MDGA2: variants seen among roughly 807,000 people sequenced by gnomAD.
MDGA2 encodes MAM domain-containing glycosylphosphatidylinositol anchor protein 2.
Under a neutral mutation model 117.8 loss-of-function variants are expected in MDGA2, and 40 were observed. The ratio of observed to expected loss-of-function variants is 0.34; its 90% CI spans 0.26 to 0.44. The LOEUF (loss-of-function observed/expected upper bound fraction) is 0.44, where lower values mean the gene tolerates loss of function less well. MDGA2 is among the 20% of genes least tolerant of loss of function. MDGA2 has a pLI of 1.00. For missense variants in MDGA2, 1,123 were observed against 1,250.6 expected, an observed-to-expected ratio of 0.90 and a Z score of 1.54; for synonymous variants, 452 against 439.0, an observed-to-expected ratio of 1.03 and a Z score of -0.37.
intron 7 of MDGA2, among the ~76,000 whole-genome samples, chr14:47,050,622 T>C (rs557343020): frequency 1.3e-5 from 2 of 152,140 alleles, no homozygotes; most frequent in African/African-American, 4.8e-5. Context: ...GTTAATATAA[T>C]GCTACTCATG....
intron 3 of MDGA2, among the ~76,000 whole-genome samples, chr14:47,176,017 G>C (rs879589569): frequency 1.3e-5 from 2 of 152,076 alleles, no homozygotes; most frequent in Non-Finnish European, 2.9e-5. Context: ...CAGATGAACA[G>C]AGAGCCAAAT....
At chr14:47,625,447 A>C (rs1242030496) in intron 1 of MDGA2, among the ~76,000 whole-genome samples, 1 of 152,198 alleles carries the variant, frequency 6.6e-6, no homozygotes, top group Non-Finnish European at 1.5e-5. Context: ...GCTGATGCTC[A>C]CAATATCACC....
At chr14:47,560,992 T>G (rs1165163879) in intron 1 of MDGA2, among the ~76,000 whole-genome samples, 1 of 152,042 alleles carries the variant, frequency 6.6e-6, no homozygotes, top group Non-Finnish European at 1.5e-5. Flanking sequence ...TGTTGAAGAT[T>G]TGATGGTTAT....
chr14:47,314,331 G>A (rs1170614018), intron 1 of MDGA2, among the ~76,000 whole-genome samples: 1 of 152,118 alleles, frequency 6.6e-6, no homozygotes, highest in Non-Finnish European at 1.5e-5. Context: ...TACATACACA[G>A]ATAGTATGTA....
intron 5 of MDGA2, among the ~76,000 whole-genome samples, chr14:47,129,490 A>C (rs1882085995): frequency 6.7e-6 from 1 of 149,860 alleles, no homozygotes; most frequent in African/African-American, 2.5e-5. Context: ...CCAGTCTATC[A>C]TTGTTGGACA....
chr14:46,897,138 T>A (rs1313376642), intron 10 of MDGA2, among the ~76,000 whole-genome samples: 2 of 152,160 alleles, frequency 1.3e-5, no homozygotes, highest in Non-Finnish European at 1.5e-5. Flanking sequence ...TAATGTGATA[T>A]CCGTATTTAT....
At chr14:47,315,790 T>A (rs1235340372) in intron 1 of MDGA2, among the ~76,000 whole-genome samples, 1 of 151,778 alleles carries the variant, frequency 6.6e-6, no homozygotes, top group Non-Finnish European at 1.5e-5. Context: ...TTTTACAATA[T>A]CAACATAATT....
intron 8 of MDGA2, among the ~76,000 whole-genome samples, chr14:46,976,380 T>C (rs1054090063): frequency 2.6e-5 from 4 of 151,912 alleles, no homozygotes; most frequent in Admixed American, 6.6e-5. Context: ...GTTTAAAAAA[T>C]AGAACTGAAA....
chr14:47,211,618 T>C (rs1301221274), intron 3 of MDGA2, among the ~76,000 whole-genome samples: 1 of 152,130 alleles, frequency 6.6e-6, no homozygotes, highest in African/African-American at 2.4e-5. Flanking sequence ...AGGAAACAAA[T>C]CTGCCCTCTT....
intron 2 of MDGA2, among the ~76,000 whole-genome samples, chr14:47,236,279 A>C (rs1302484319): frequency 1.6e-5 from 2 of 122,228 alleles, no homozygotes; most frequent in Admixed American, 1.0e-4. Flanking sequence ...TGACAGAGCG[A>C]GACTCCGCCT....
intron 1 of MDGA2, among the ~76,000 whole-genome samples, chr14:47,571,970 A>G (rs1255606026): frequency 1.3e-5 from 2 of 152,220 alleles, no homozygotes; most frequent in Non-Finnish European, 2.9e-5. Context: ...GCACACACAT[A>G]CATACTTTGC....
At chr14:46,976,927 T>C (rs990803877) in intron 8 of MDGA2, among the ~76,000 whole-genome samples, 1 of 152,000 alleles carries the variant, frequency 6.6e-6, no homozygotes, top group Non-Finnish European at 1.5e-5. Flanking sequence ...AACAAGTTCA[T>C]GCCTTGGAAT....
At chr14:47,416,207 T>C (rs912607738) in intron 1 of MDGA2, among the ~76,000 whole-genome samples, 2 of 152,116 alleles carry the variant, frequency 1.3e-5, no homozygotes, top group African/African-American at 4.8e-5. Flanking sequence ...AATTGATCTG[T>C]AGCTGTGAAT....
At chr14:47,163,429 G>T (rs1199900406) in intron 3 of MDGA2, among the ~76,000 whole-genome samples, 1 of 152,092 alleles carries the variant, frequency 6.6e-6, no homozygotes, top group Non-Finnish European at 1.5e-5. Flanking sequence ...GGGGTGGGGG[G>T]TCTTTACCAT....
chr14:47,229,730 C>A (rs1250150405), intron 2 of MDGA2, among the ~76,000 whole-genome samples: 1 of 151,580 alleles, frequency 6.6e-6, no homozygotes, highest in Non-Finnish European at 1.5e-5. Flanking sequence ...TAAACTGGGC[C>A]TTTAATGGCC....
intron 1 of MDGA2, among the ~76,000 whole-genome samples, chr14:47,353,842 A>G (rs902879859): frequency 2.0e-5 from 3 of 152,190 alleles, no homozygotes; most frequent in East Asian, 3.8e-4. Flanking sequence ...CCAGAAAAAT[A>G]CGCTACATGA....
At position 47,384,007 on chromosome 14, in the gene MDGA2, AG is replaced by A. The variant is rs1457948002; in HGVS notation, c.281-82458del. ...ATGATAGATAGATAGATAGATAGAT[AG>A]ATAGATAATAGATAGATTAGATAAA... On this transcript the variant is annotated intron_variant, in intron 1 of 16. Coordinates refer to ENST00000399232, the MANE Select transcript of MDGA2 (RefSeq NM_001113498.3). 1.2e-3 allele frequency among the ~76,000 whole-genome samples: 136 copies of A among 117,488 alleles called. 2 individuals are homozygous for A. Among genetic ancestry groups the A allele is most frequent in the Admixed American group, 5.4e-3 (55 of 10,232 alleles). 77.1% of individuals were successfully genotyped at this position (117,488 alleles called of 152,430 possible).
At chr14:47,571,594 G>A (rs1896021131) in intron 1 of MDGA2, among the ~76,000 whole-genome samples, 1 of 152,158 alleles carries the variant, frequency 6.6e-6, no homozygotes, top group South Asian at 2.1e-4. Flanking sequence ...ATGAGTTCAT[G>A]TCCTTTGCAG....
In MDGA2 at chr14:47,224,411, C is replaced by A. The variant is rs151098035; in HGVS notation, c.421-6216G>T. 6.9e-3 allele frequency among the ~76,000 whole-genome samples: 1,056 copies of A among 152,074 alleles called. 15 individuals are homozygous for A. Among genetic ancestry groups the A allele is most frequent in the African/African-American group, 0.025 (1,020 of 41,478 alleles). Reference sequence around the variant, plus strand: ...ATAATCTTAGGAAAATATTAAAAACCTGAAGCATAGATAGACTTGGCTGAA... The same window carrying A: ...ATAATCTTAGGAAAATATTAAAAACATGAAGCATAGATAGACTTGGCTGAA... On this transcript the variant is annotated intron_variant, in intron 2 of 16. Coordinates refer to ENST00000399232, the MANE Select transcript of MDGA2 (RefSeq NM_001113498.3).
Sources: gnomAD v4.1 joint callset for allele counts (sites outside exome capture counted in the v4.1 genomes callset) on GRCh38, gnomAD v4.1.1 for gene constraint, MANE v1.5 for transcripts, NCBI Gene and HGNC (gene_info 2026-07-23, HGNC 2026-07-21) for gene names.